Variants in PPP6R3 observed in about 807,000 individuals in gnomAD.
PPP6R3 encodes serine/threonine-protein phosphatase 6 regulatory subunit 3.
A neutral mutation model predicts 110.7 loss-of-function variants in PPP6R3; 38 were observed. That is an observed-to-expected ratio of 0.34 (90% CI 0.26 to 0.45). The LOEUF (loss-of-function observed/expected upper bound fraction) is 0.45. PPP6R3 is among the 20% of genes least tolerant of loss of function. PPP6R3 has a pLI of 1.00. For synonymous variants in PPP6R3, 369 were observed against 373.5 expected, an observed-to-expected ratio of 0.99 and a Z score of 0.14; for missense variants, 870 against 1,062.4, an observed-to-expected ratio of 0.82 and a Z score of 2.52.
At chr11:68,523,703 C>A in intron 2 of PPP6R3, among the ~76,000 whole-genome samples, 1 of 31,768 alleles carries the variant, frequency 3.1e-5, no homozygotes, top group Admixed American at 3.6e-4. Flanking sequence ...ACCCATGCCC[C>A]CCTGCCCCCC....
chr11:68,483,984 TC>T (rs1224520179), intron 1 of PPP6R3, among the ~76,000 whole-genome samples: 3 of 152,254 alleles, frequency 2.0e-5, no homozygotes, highest in Non-Finnish European at 4.4e-5. Context: ...TGTAGCCTTT[TC>T]ATATTGGCTT....
At chr11:68,493,926 C>T (rs1006589893) in intron 1 of PPP6R3, among the ~76,000 whole-genome samples, 6 of 148,752 alleles carry the variant, frequency 4.0e-5, no homozygotes, top group South Asian at 2.1e-4. Flanking sequence ...CACGGTATAA[C>T]CCCCTCTCTA....
intron 1 of PPP6R3, among the ~76,000 whole-genome samples, chr11:68,467,459 C>CT (rs1450583242): frequency 3.9e-5 from 6 of 152,216 alleles, no homozygotes; most frequent in Non-Finnish European, 7.3e-5. Context: ...GTCAGACAGA[C>CT]TTGGAGAAAG....
At chr11:68,591,730 G>A in intron 18 of PPP6R3, 24 bp downstream of exon 18, 1 of 1,597,254 alleles carries the variant, frequency 6.3e-7, no homozygotes, top group Non-Finnish European at 8.5e-7. Flanking sequence ...GGTTATAGTT[G>A]TAATTATAGC....
At chr11:68,530,505 C>T (rs1010898989) in intron 2 of PPP6R3, among the ~76,000 whole-genome samples, 2 of 152,194 alleles carry the variant, frequency 1.3e-5, no homozygotes, top group African/African-American at 2.4e-5. Flanking sequence ...GTTTAGGTAG[C>T]GGCAACTTCT....
intron 14 of PPP6R3, among the ~76,000 whole-genome samples, chr11:68,577,812 G>A (rs562279590): frequency 4.6e-5 from 7 of 152,084 alleles, no homozygotes; most frequent in Non-Finnish European, 7.4e-5. Context: ...ATTGCGTCTC[G>A]GTTCTTCTTT....
chr11:68,512,935 G>T (rs2099117812), intron 1 of PPP6R3, among the ~76,000 whole-genome samples: 1 of 152,100 alleles, frequency 6.6e-6, no homozygotes, highest in Non-Finnish European at 1.5e-5. Flanking sequence ...AGTCTGAGTG[G>T]GCTGCGGGGA....
At chr11:68,476,244 C>T (rs192326245) in intron 1 of PPP6R3, among the ~76,000 whole-genome samples, 8,487 of 152,244 alleles carry the variant, frequency 0.056, 311 homozygotes, top group Middle Eastern at 0.095. Flanking sequence ...GCGGATCACT[C>T]GCGGTTAGGA....
In PPP6R3 at chr11:68,511,058, C is replaced by T. The variant is rs144563660; in HGVS notation, c.-157-8443C>T. On this transcript the variant is annotated intron_variant, in intron 1 of 23. Transcript: ENST00000393800. ...CATTACAACCACGTATACTACATTA[C>T]GACCATGCATACTTTTTTTTTTTTT... Among the ~76,000 whole-genome samples, 346 of 149,836 alleles carry T rather than the reference C, an allele frequency of 2.3e-3. 2 individuals are homozygous for T. The highest frequency in any genetic ancestry group is 8.2e-3 in the African/African-American group (329 of 40,308).
chr11:68,610,778 T>TA (rs1212813544), intron 23 of PPP6R3, among the ~76,000 whole-genome samples: 1 of 152,166 alleles, frequency 6.6e-6, no homozygotes. Flanking sequence ...GTAGCTAAGA[T>TA]TGTATATTCC....
At chr11:68,519,436 A>G in intron 1 of PPP6R3, 65 bp from the exon 2 acceptor site, 1 of 392,560 alleles carries the variant, frequency 2.5e-6, no homozygotes, top group African/African-American at 2.1e-5. Flanking sequence ...GTATGCTTTA[A>G]TGGCAGCTAT....
In PPP6R3 at chr11:68,521,068, G is replaced by A. The variant is rs541124298; in HGVS notation, c.-7+1417G>A. Among the ~76,000 whole-genome samples, 19 of 152,238 alleles carry A rather than the reference G, an allele frequency of 1.2e-4. No homozygotes were observed. In the East Asian group the frequency reaches 2.5e-3, roughly 20 times the overall value. On this transcript the variant is annotated intron_variant, in intron 2 of 23. Transcript: ENST00000393800. ...ATTACAGGCGTGAGCCACCGCGTCCGGCCTCACAGAGTTTTATTATTGTTC... is the reference window on the plus strand; with the variant it reads ...ATTACAGGCGTGAGCCACCGCGTCCAGCCTCACAGAGTTTTATTATTGTTC...
At chr11:68,487,002 G>A (rs1233080486) in intron 1 of PPP6R3, among the ~76,000 whole-genome samples, 6 of 151,954 alleles carry the variant, frequency 3.9e-5, no homozygotes, top group African/African-American at 1.2e-4. Context: ...CTAGAGTTGC[G>A]CTGATTTTAT....
intron 3 of PPP6R3, among the ~76,000 whole-genome samples, chr11:68,543,416 T>C (rs1723302028): frequency 6.6e-6 from 1 of 151,418 alleles, no homozygotes; most frequent in Non-Finnish European, 1.5e-5. Flanking sequence ...TTTTTTTTTT[T>C]CCTTTTCTGT....
At chr11:68,497,380 G>T (rs569462464) in intron 1 of PPP6R3, among the ~76,000 whole-genome samples, 3 of 150,112 alleles carry the variant, frequency 2.0e-5, no homozygotes, top group South Asian at 4.2e-4. Flanking sequence ...TTGAGACAGG[G>T]TTTCACTCTG....
intron 6 of PPP6R3, 45 bp downstream of exon 6, chr11:68,551,231 CA>C (rs745757205): frequency 1.5e-6 from 2 of 1,375,230 alleles, no homozygotes; most frequent in African/African-American, 2.9e-5. Flanking sequence ...AAAAAAAAAA[CA>C]AAAAACTGTT....
chr11:68,578,574 C>T (rs2099540886), intron 14 of PPP6R3, among the ~76,000 whole-genome samples: 1 of 152,172 alleles, frequency 6.6e-6, no homozygotes, highest in Non-Finnish European at 1.5e-5. Context: ...TAAGTTAGTG[C>T]ATTGTTAACC....
intron 1 of PPP6R3, among the ~76,000 whole-genome samples, chr11:68,483,712 C>T (rs1470099889): frequency 6.6e-6 from 1 of 152,184 alleles, no homozygotes; most frequent in Non-Finnish European, 1.5e-5. Flanking sequence ...AAACTCCTGA[C>T]TTCAGGTGAT....
chr11:68,587,919 G>A lies in PPP6R3; in HGVS notation c.1633-8G>A, dbSNP rs1180656728. 6.2e-7 allele frequency: 1 copy of A among 1,611,988 alleles called. No homozygotes were observed. The highest frequency in any genetic ancestry group is 2.2e-5 in the East Asian group (1 of 44,868). On this transcript the variant is annotated splice_region_variant and splice_polypyrimidine_tract_variant and intron_variant, in intron 15 of 23. Coordinates refer to ENST00000393800, the MANE Select transcript of PPP6R3 (RefSeq NM_001164161.2). ...TTATATCACTGTCACTGGTCCTGGG[G>A]TTGCCAGGCCTTTTCTGATTATCAG...
Sources: allele counts gnomAD v4.1 joint callset (sites outside exome capture counted in the v4.1 genomes callset), GRCh38; gene constraint gnomAD v4.1.1; transcripts MANE v1.5; gene names NCBI Gene and HGNC (gene_info 2026-07-23, HGNC 2026-07-21).